NEGR1: variants seen among roughly 807,000 people sequenced by gnomAD.
The protein encoded by NEGR1 is IgLON family member 4.
In NEGR1, 10 loss-of-function variants were observed where a neutral mutation model predicts 40.9. The ratio of observed to expected loss-of-function variants is 0.24; its 90% CI spans 0.15 to 0.42. The LOEUF (loss-of-function observed/expected upper bound fraction) is 0.42. Ranked by LOEUF, NEGR1 falls within the 10% of genes least tolerant of loss-of-function variation. The pLI, the probability that NEGR1 is intolerant of heterozygous loss-of-function variation, is 1.00. For synonymous variants in NEGR1, 185 were observed against 166.8 expected (o/e 1.11, Z -0.84); for missense variants, 352 against 438.9 (o/e 0.80, Z 1.77).
chr1:71,747,613 T>C (rs1205228387), intron 3 of NEGR1, among the ~76,000 whole-genome samples: 1 of 152,016 alleles, frequency 6.6e-6, no homozygotes. Flanking sequence ...TTTGTAGAGA[T>C]GGGGTTTCAC....
chr1:71,930,709 C>T (rs1237651390), intron 2 of NEGR1, among the ~76,000 whole-genome samples: 1 of 152,104 alleles, frequency 6.6e-6, no homozygotes, highest in East Asian at 1.9e-4. Context: ...GAAACGAATT[C>T]AAACAAGACA....
intron 6 of NEGR1, among the ~76,000 whole-genome samples, chr1:71,531,068 T>C (rs901302061): frequency 1.3e-5 from 2 of 151,028 alleles, no homozygotes; most frequent in Non-Finnish European, 3.0e-5. Flanking sequence ...ATGGAAACTC[T>C]GAGTATAGAG....
intron 3 of NEGR1, among the ~76,000 whole-genome samples, chr1:71,734,115 CT>C (rs1654972378): frequency 6.6e-6 from 1 of 152,156 alleles, no homozygotes; most frequent in African/African-American, 2.4e-5. Context: ...ACCTAGGACC[CT>C]AAGGATAGGG....
At position 71,826,263 on chromosome 1, in the gene NEGR1, A is replaced by G. The variant is rs549627920; in HGVS notation, c.410-49966T>C. Among the ~76,000 whole-genome samples the G allele has an allele frequency of 2.0e-5, 3 of 151,956 alleles. No homozygotes were observed. The South Asian group carries it at 6.2e-4, about 32-fold the overall frequency. On this transcript the variant is annotated intron_variant, in intron 2 of 6. Coordinates refer to ENST00000357731, the MANE Select transcript of NEGR1 (RefSeq NM_173808.3). Reference sequence around the variant, plus strand: ...CTGCTCTGTCTTTCCCTATTTTTCAACTATGAATCTATATATCTCTACTCC... The same window carrying G: ...CTGCTCTGTCTTTCCCTATTTTTCAGCTATGAATCTATATATCTCTACTCC...
intron 2 of NEGR1, among the ~76,000 whole-genome samples, chr1:71,845,310 T>C (rs1040431695): frequency 1.3e-5 from 2 of 152,080 alleles, no homozygotes; most frequent in African/African-American, 4.8e-5. Flanking sequence ...AATTTGTGCA[T>C]AAATAAGAAG....
At chr1:71,458,780 A>G (rs1646694057) in intron 6 of NEGR1, among the ~76,000 whole-genome samples, 1 of 152,202 alleles carries the variant, frequency 6.6e-6, no homozygotes, top group Non-Finnish European at 1.5e-5. Flanking sequence ...TTAATCAAAT[A>G]CATCTTTGAC....
chr1:71,568,944 G>A (rs189215712), intron 6 of NEGR1, among the ~76,000 whole-genome samples: 25 of 149,308 alleles, frequency 1.7e-4, no homozygotes, highest in Non-Finnish European at 3.6e-4. Flanking sequence ...TGGAGACGGA[G>A]TCTCGCTTCA....
rs1646237977 is a variant in NEGR1 at position 71,400,193 on chromosome 1, A to C, written c.*7253T>G. On this transcript the variant is annotated 3_prime_UTR_variant, in exon 7 of 7. Transcript: ENST00000357731. ...GAAACCACCCTCTTTAACATTTTAA[A>C]GTTTTGAAGGTGTAATGAACCATGC... 1 of 152,166 alleles carries C rather than the reference A, an allele frequency of 6.6e-6. No homozygotes were observed. The highest frequency in any genetic ancestry group is 2.4e-5 in the African/African-American group (1 of 41,450). The allele number at this position is 152,166 out of a possible 1,614,324, so 9.4% of individuals were successfully genotyped here. A position where few individuals can be genotyped will look rare whatever the true frequency, so the allele number is the denominator to read the frequency against.
At chr1:71,688,390 T>TATATAA (rs1402163614) in intron 4 of NEGR1, among the ~76,000 whole-genome samples, 1 of 27,286 alleles carries the variant, frequency 3.7e-5, no homozygotes, top group African/African-American at 1.2e-4. Context: ...AAAAGATATA[T>TATATAA]AAAATATATA....
chr1:71,881,664 T>A (rs1433583703), intron 2 of NEGR1, among the ~76,000 whole-genome samples: 1 of 152,064 alleles, frequency 6.6e-6, no homozygotes, highest in South Asian at 2.1e-4. Flanking sequence ...ACTATGAAAA[T>A]GTACATAGGA....
At chr1:71,862,505 C>T (rs545226704) in intron 2 of NEGR1, among the ~76,000 whole-genome samples, 1 of 152,208 alleles carries the variant, frequency 6.6e-6, no homozygotes, top group East Asian at 1.9e-4. Context: ...TGAGGTAAAT[C>T]TTGGCATTGC....
Position 71,589,385 on chromosome 1 carries a change from A to G in NEGR1, c.940+3432T>C, listed in dbSNP as rs1046527277. Among the ~76,000 whole-genome samples the G allele has an allele frequency of 6.6e-5, 10 of 152,254 alleles. No homozygotes were observed. The East Asian group carries it at 7.7e-4, about 12-fold the overall frequency. On this transcript the variant is annotated intron_variant, in intron 6 of 6. Transcript: ENST00000357731. ...AATCTTATCACTCTACATGGCTTCT[A>G]TGAGAAGTCTCATTTACTCTCATGG... is the stretch of plus-strand genomic sequence containing the variant.
At position 72,023,848 on chromosome 1, in the gene NEGR1, C is replaced by A. The variant is rs144109833; in HGVS notation, c.177-88537G>T. 1.3e-3 allele frequency among the ~76,000 whole-genome samples: 191 copies of A among 152,044 alleles called. 2 individuals carry two copies. The highest frequency in any genetic ancestry group is 3.4e-3 in the Middle Eastern group (1 of 294). ...AAATGTCATTATATTTTATTATATT[C>A]TCCTATCAAATTATGCTATGCTCTC... On this transcript the variant is annotated intron_variant, in intron 1 of 6. Coordinates refer to ENST00000357731, the MANE Select transcript of NEGR1 (RefSeq NM_173808.3).
rs145618803 is a variant in NEGR1 at position 71,429,179 on chromosome 1, T to C, written c.941-21609A>G. 5.0e-3 allele frequency among the ~76,000 whole-genome samples: 767 copies of C among 152,300 alleles called. 6 individuals carry two copies. Among genetic ancestry groups the C allele is most frequent in the African/African-American group, 0.018 (728 of 41,574 alleles). On this transcript the variant is annotated intron_variant, in intron 6 of 6. Transcript: ENST00000357731. ...GAACTGCTGGTGGTACTGGTACACA[T>C]ACCTATATTTACTTTCAATGAACTT...
chr1:72,180,084 GAAGA>G (rs1652309653), intron 1 of NEGR1, among the ~76,000 whole-genome samples: 1 of 151,852 alleles, frequency 6.6e-6, no homozygotes, highest in Non-Finnish European at 1.5e-5. Flanking sequence ...ACAATTCCAA[GAAGA>G]AAGAAAAAGT....
chr1:71,625,743 C>T (rs1650752986), intron 4 of NEGR1, among the ~76,000 whole-genome samples: 1 of 151,624 alleles, frequency 6.6e-6, no homozygotes, highest in South Asian at 2.1e-4. Flanking sequence ...GTCCCCAAGC[C>T]CCAGGCCATG....
chr1:72,222,233 T>C (rs1557585438), intron 1 of NEGR1, among the ~76,000 whole-genome samples: 1 of 151,938 alleles, frequency 6.6e-6, no homozygotes, highest in Non-Finnish European at 1.5e-5. Flanking sequence ...AACCCAGGCT[T>C]CAGGCCCACC....
intron 5 of NEGR1, among the ~76,000 whole-genome samples, chr1:71,608,557 A>G (rs1650143564): frequency 1.3e-5 from 2 of 152,068 alleles, no homozygotes. Context: ...AGAGCAGAAA[A>G]AAAAAATCCA....
intron 3 of NEGR1, among the ~76,000 whole-genome samples, 169 bp downstream of exon 3, chr1:71,776,003 A>T (rs1363395726): frequency 1.4e-5 from 2 of 140,308 alleles, no homozygotes. Context: ...AAAAATAAAT[A>T]AATAAATAAA....
Sources: allele counts gnomAD v4.1 joint callset (sites outside exome capture counted in the v4.1 genomes callset), GRCh38; gene constraint gnomAD v4.1.1; transcripts MANE v1.5; gene names NCBI Gene and HGNC (gene_info 2026-07-23, HGNC 2026-07-21).